The following DAB1 variants were observed in gnomAD, a reference collection of about 807,000 sequenced individuals.
The protein encoded by DAB1 is disabled homolog 1.
Under a neutral mutation model 64.6 loss-of-function variants are expected in DAB1, and 15 were observed. The observed-to-expected ratio is 0.23, with a 90% CI of 0.16 to 0.36. DAB1 has a LOEUF of 0.36. Among genes scored for constraint, DAB1 ranks in the 10% least tolerant of loss-of-function variants. The pLI, the probability that DAB1 is intolerant of heterozygous loss-of-function variation, is 1.00. For missense variants in DAB1, 596 were observed against 706.7 expected (o/e 0.84, Z 1.78); for synonymous variants, 235 against 251.9 (o/e 0.93, Z 0.64).
chr1:57,095,130 T>C (rs1488226935), intron 4 of DAB1, among the ~76,000 whole-genome samples: 1 of 152,200 alleles, frequency 6.6e-6, no homozygotes, highest in African/African-American at 2.4e-5. Context: ...AGAAAACTCT[T>C]GTACCTCTGC....
At chr1:58,093,209 G>T (rs1444523327) in intron 5 of DAB1, among the ~76,000 whole-genome samples, 2 of 152,196 alleles carry the variant, frequency 1.3e-5, no homozygotes, top group Non-Finnish European at 2.9e-5. Context: ...CACTGAATCT[G>T]ACAGCTGGCC....
chr1:57,424,428 G>C (rs1258235817), upstream of DAB1, among the ~76,000 whole-genome samples: 1 of 151,860 alleles, frequency 6.6e-6, no homozygotes, highest in African/African-American at 2.4e-5. Flanking sequence ...CGTGGAAGGG[G>C]GAGAGACGAG....
chr1:58,063,164 G>T (rs959410514), intron 5 of DAB1, among the ~76,000 whole-genome samples: 2 of 152,178 alleles, frequency 1.3e-5, no homozygotes, highest in African/African-American at 4.8e-5. Context: ...TTTAGGGATA[G>T]AAAAGAACAA....
chr1:58,041,801 G>A (rs148980375), intron 5 of DAB1, among the ~76,000 whole-genome samples: 9 of 152,308 alleles, frequency 5.9e-5, no homozygotes, highest in African/African-American at 1.9e-4. Flanking sequence ...ATCAGGACTG[G>A]CTGAGAAAGA....
chr1:57,951,454 G>T (rs977687008), intron 5 of DAB1, among the ~76,000 whole-genome samples: 1 of 151,550 alleles, frequency 6.6e-6, no homozygotes, highest in Non-Finnish European at 1.5e-5. Context: ...AGTTGTTTCA[G>T]TTCTGTGAAG....
At chr1:57,856,982 C>A (rs985348588) in intron 1 of DAB1, among the ~76,000 whole-genome samples, 2 of 152,228 alleles carry the variant, frequency 1.3e-5, no homozygotes, top group East Asian at 3.9e-4. Context: ...CCATGATGAT[C>A]ATGACCTGTG....
At chr1:57,399,740 C>A (rs1214284186) in intron 1 of DAB1, among the ~76,000 whole-genome samples, 2 of 152,208 alleles carry the variant, frequency 1.3e-5, no homozygotes, top group Non-Finnish European at 2.9e-5. Flanking sequence ...AGCTACACAG[C>A]TTGGACTGAC....
At chr1:57,935,840 A>C (rs1405803472) in intron 5 of DAB1, among the ~76,000 whole-genome samples, 3 of 152,202 alleles carry the variant, frequency 2.0e-5, no homozygotes, top group Non-Finnish European at 4.4e-5. Flanking sequence ...GGCTGCAGAA[A>C]ATGCTGGGGA....
At chr1:57,521,015 C>T (rs1644519796) in intron 7 of DAB1, among the ~76,000 whole-genome samples, 1 of 152,122 alleles carries the variant, frequency 6.6e-6, no homozygotes, top group Non-Finnish European at 1.5e-5. Context: ...GCACACTGTT[C>T]TAAGCAGGGA....
intron 5 of DAB1, among the ~76,000 whole-genome samples, chr1:58,060,940 G>C (rs1648462057): frequency 6.6e-6 from 1 of 152,220 alleles, no homozygotes; most frequent in South Asian, 2.1e-4. Flanking sequence ...AGCCAAGCCA[G>C]AGGCTGCCTG....
intron 1 of DAB1, among the ~76,000 whole-genome samples, chr1:57,378,260 A>C (rs1194905978): frequency 6.6e-6 from 1 of 152,214 alleles, no homozygotes; most frequent in East Asian, 1.9e-4. Flanking sequence ...GTCTCCAACA[A>C]TTGGGATGGC....
At chr1:58,263,770 A>AAT (rs1468539575) in intron 4 of DAB1, among the ~76,000 whole-genome samples, 2 of 152,234 alleles carry the variant, frequency 1.3e-5, no homozygotes, top group Non-Finnish European at 2.9e-5. Context: ...TGGTGGTAAC[A>AAT]ATACTAACCT....
chr1:57,362,315 A>C (rs1032329815), intron 1 of DAB1, among the ~76,000 whole-genome samples: 12 of 148,850 alleles, frequency 8.1e-5, no homozygotes, highest in African/African-American at 3.0e-4. Flanking sequence ...ACATGTGCTC[A>C]AAAAACGTAA....
At chr1:57,904,823 G>C (rs1316239713) in intron 5 of DAB1, among the ~76,000 whole-genome samples, 1 of 152,112 alleles carries the variant, frequency 6.6e-6, no homozygotes, top group African/African-American at 2.4e-5. Flanking sequence ...AGGAGTCAAG[G>C]GCTAGGAAAT....
chr1:57,054,900 G>T (rs1649596657), intron 9 of DAB1, among the ~76,000 whole-genome samples: 2 of 152,200 alleles, frequency 1.3e-5, no homozygotes, highest in African/African-American at 4.8e-5. Context: ...GATGGAAATT[G>T]GTGATAAATT....
intron 4 of DAB1, among the ~76,000 whole-genome samples, chr1:57,096,735 A>G (rs2100677353): frequency 6.6e-6 from 1 of 152,196 alleles, no homozygotes; most frequent in Non-Finnish European, 1.5e-5. Flanking sequence ...TTTTTCACTT[A>G]TTTGTGTCCT....
At chr1:57,099,652 G>A (rs1033603754) in intron 4 of DAB1, among the ~76,000 whole-genome samples, 16 of 152,158 alleles carry the variant, frequency 1.1e-4, no homozygotes, top group East Asian at 1.9e-4. Context: ...AAAAGCCAAC[G>A]CAATATAAAC....
intron 3 of DAB1, among the ~76,000 whole-genome samples, chr1:58,404,821 G>A (rs1245474341): frequency 6.6e-6 from 1 of 152,156 alleles, no homozygotes; most frequent in Non-Finnish European, 1.5e-5. Flanking sequence ...CAGTGCCCAG[G>A]AAACAGTCAT....
intron 2 of DAB1, among the ~76,000 whole-genome samples, chr1:57,256,141 C>T (rs1403953686): frequency 6.6e-6 from 1 of 152,138 alleles, no homozygotes; most frequent in Non-Finnish European, 1.5e-5. Context: ...CATTTCACAT[C>T]CAAATTAACG....
Sources: gnomAD v4.1 joint callset for allele counts (sites outside exome capture counted in the v4.1 genomes callset) on GRCh38, gnomAD v4.1.1 for gene constraint, MANE v1.5 for transcripts, NCBI Gene and HGNC (gene_info 2026-07-23, HGNC 2026-07-21) for gene names.